Variants in COMMD1 observed in about 807,000 individuals in gnomAD.
COMMD1 encodes the protein copper metabolism domain containing 1, also known as COMM domain-containing protein 1.
Under a neutral mutation model 17.2 loss-of-function variants are expected in COMMD1, and 10 were observed. The observed-to-expected ratio is 0.58, with a 90% CI of 0.36 to 0.99. The LOEUF (loss-of-function observed/expected upper bound fraction) is 0.99. Among genes scored for constraint, COMMD1 ranks in the 50% least tolerant of loss-of-function variants. The probability of loss-of-function intolerance (pLI) is 0.01; values close to 1 mark genes in which losing one functional copy is unlikely to be tolerated. For synonymous variants in COMMD1, 97 were observed against 91.6 expected (o/e 1.06, Z -0.34); for missense variants, 270 against 231.8 (o/e 1.17, Z -1.07).
chr2:62,057,177 A>G (rs115160546), intron 2 of COMMD1, among the ~76,000 whole-genome samples: 1,838 of 152,272 alleles, frequency 0.012, 41 homozygotes, highest in African/African-American at 0.043. Context: ...TTCATTATAT[A>G]TTACAGTGTG....
At chr2:61,927,756 C>A (rs1206817654) in intron 1 of COMMD1, among the ~76,000 whole-genome samples, 2 of 151,528 alleles carry the variant, frequency 1.3e-5, no homozygotes, top group Non-Finnish European at 2.9e-5. Flanking sequence ...GTAGCTTAGT[C>A]CAAAACAGTG....
At chr2:61,917,350 C>T (rs1480349763) in intron 1 of COMMD1, among the ~76,000 whole-genome samples, 3 of 149,430 alleles carry the variant, frequency 2.0e-5, no homozygotes, top group Non-Finnish European at 4.4e-5. Flanking sequence ...GAGCCAGACT[C>T]CAGTTTAAAA....
At chr2:61,918,977 T>C (rs138947124) in intron 1 of COMMD1, among the ~76,000 whole-genome samples, 36 of 152,330 alleles carry the variant, frequency 2.4e-4, no homozygotes, top group African/African-American at 8.7e-4. Flanking sequence ...AATTTGGAGA[T>C]GGTTTCTGTT....
chr2:62,032,613 G>A (rs1669938102), intron 2 of COMMD1, among the ~76,000 whole-genome samples: 1 of 152,158 alleles, frequency 6.6e-6, no homozygotes, highest in Non-Finnish European at 1.5e-5. Flanking sequence ...GCTGTTCAAA[G>A]CTTCAGGCAT....
rs56320690 is a variant in COMMD1, at chr2:62,078,239, CAAAAAAAAAAA to C, written c.463-57575_463-57565del. On this transcript the variant is annotated intron_variant, in intron 2 of 2. Transcript: ENST00000311832. ...GCAGTGAGCGGAGATCACACCAATGCAAAAAAAAAAAAAAAAAAAAAAAAAAAGGTGGAGCC... is the reference window on the plus strand; with the variant it reads ...GCAGTGAGCGGAGATCACACCAATGCAAAAAAAAAAAAAAAAGGTGGAGCC... 6.5e-4 allele frequency among the ~76,000 whole-genome samples: 13 copies of C among 19,868 alleles called. No homozygotes were observed. The East Asian group carries it at 0.023, about 36-fold the overall frequency. 13.0% of individuals were successfully genotyped at this position (19,868 alleles called of 152,430 possible). A position where few individuals can be genotyped will look rare whatever the true frequency, so the allele number is the denominator to read the frequency against.
At chr2:62,073,783 CT>C (rs759586700) in intron 2 of COMMD1, among the ~76,000 whole-genome samples, 12 of 152,196 alleles carry the variant, frequency 7.9e-5, no homozygotes, top group Non-Finnish European at 1.2e-4. Flanking sequence ...ACTGCAACCT[CT>C]GCTTCCTGGG....
chr2:62,097,921 T>C (rs1040343536), intron 2 of COMMD1, among the ~76,000 whole-genome samples: 3 of 152,166 alleles, frequency 2.0e-5, no homozygotes, highest in South Asian at 2.1e-4. Context: ...CTATTCTGGT[T>C]TTTGAGTTGT....
intron 2 of COMMD1, among the ~76,000 whole-genome samples, chr2:62,038,989 C>T (rs1297455495): frequency 6.6e-6 from 1 of 152,098 alleles, no homozygotes; most frequent in Non-Finnish European, 1.5e-5. Context: ...TATTGATTTT[C>T]TTTTACAGTT....
intron 2 of COMMD1, among the ~76,000 whole-genome samples, chr2:62,105,060 G>A (rs905522677): frequency 2.6e-5 from 4 of 151,718 alleles, no homozygotes; most frequent in Non-Finnish European, 1.5e-5. Flanking sequence ...GGGAGGTGGA[G>A]GTTGCGGTAA....
intron 1 of COMMD1, among the ~76,000 whole-genome samples, chr2:61,899,159 TA>T (rs1248536109): frequency 2.0e-5 from 3 of 151,910 alleles, no homozygotes; most frequent in African/African-American, 4.8e-5. Flanking sequence ...AAAGACACAT[TA>T]AAAAAAATAG....
chr2:62,116,755 G>A (rs963158937), intron 2 of COMMD1, among the ~76,000 whole-genome samples: 1 of 151,128 alleles, frequency 6.6e-6, no homozygotes, highest in East Asian at 1.9e-4. Context: ...GGGAAGCTGA[G>A]GCAGGCAGAT....
Position 62,000,733 on chromosome 2 carries a change from G to A in COMMD1, c.213G>A (p.Gln71=), listed in dbSNP as rs1490647713. ...CGTCTGCAGACATGGATTTCAACCA[G>A]CTGGAGGCATTCTTGACTGCTCAAA... ...SIASADMDFN[Q]LEAFLTAQTK... The change falls in exon 2 of 3, where the codon CAG becomes CAA. Residue 71 remains glutamine (Q), a synonymous_variant. Transcript: ENST00000311832. 6.2e-7 allele frequency: 1 copy of A among 1,614,090 alleles called. No individual in the cohort carries two copies. Among genetic ancestry groups the A allele is most frequent in the South Asian group, 1.1e-5 (1 of 91,076 alleles).
At chr2:61,989,689 C>T (rs1287058181) in intron 1 of COMMD1, among the ~76,000 whole-genome samples, 2 of 152,028 alleles carry the variant, frequency 1.3e-5, no homozygotes, top group African/African-American at 4.8e-5. Context: ...TCTCGAAACT[C>T]CCAACCTCAA....
chr2:61,919,246 A>C (rs1022599486), intron 1 of COMMD1, among the ~76,000 whole-genome samples: 6 of 152,164 alleles, frequency 3.9e-5, no homozygotes, highest in Non-Finnish European at 5.9e-5. Flanking sequence ...TCCCAAGCTC[A>C]GGTGATGTGC....
intron 2 of COMMD1, among the ~76,000 whole-genome samples, chr2:62,022,006 G>C (rs951788856): frequency 2.6e-4 from 38 of 147,206 alleles, no homozygotes; most frequent in African/African-American, 9.5e-4. Context: ...ATTTTTTTTT[G>C]TTTGTGCTTT....
At chr2:61,966,052 A>G (rs921420687) in intron 1 of COMMD1, among the ~76,000 whole-genome samples, 4 of 152,288 alleles carry the variant, frequency 2.6e-5, no homozygotes, top group East Asian at 1.9e-4. Context: ...GCTGTTCCCA[A>G]TTGCTTGAGA....
intron 1 of COMMD1, among the ~76,000 whole-genome samples, chr2:61,929,757 C>A (rs185441676): frequency 1.3e-5 from 2 of 152,026 alleles, no homozygotes; most frequent in Non-Finnish European, 2.9e-5. Context: ...CATAATGAGA[C>A]CTGGTCTTTA....
chr2:62,032,714 T>TTCTTTCTC (rs1191987345), intron 2 of COMMD1, among the ~76,000 whole-genome samples: 2 of 152,294 alleles, frequency 1.3e-5, no homozygotes, highest in Non-Finnish European at 2.9e-5. Context: ...TTGGTTTAGC[T>TTCTTTCTC]TCTTTCTCTC....
intron 2 of COMMD1, among the ~76,000 whole-genome samples, chr2:62,004,328 T>C (rs543202912): frequency 6.6e-6 from 1 of 152,194 alleles, no homozygotes; most frequent in South Asian, 2.1e-4. Context: ...TGAGATGGAG[T>C]CTCACTCTGT....
Sources: allele counts gnomAD v4.1 joint callset (sites outside exome capture counted in the v4.1 genomes callset), GRCh38; gene constraint gnomAD v4.1.1; transcripts MANE v1.5; gene names NCBI Gene and HGNC (gene_info 2026-07-23, HGNC 2026-07-21).